FABP6: variants seen among roughly 807,000 people sequenced by gnomAD.
FABP6 encodes gastrotropin.
Under a neutral mutation model 14.9 loss-of-function variants are expected in FABP6, and 13 were observed. That is an observed-to-expected ratio of 0.87 (90% confidence interval 0.57 to 1.39). The LOEUF (loss-of-function observed/expected upper bound fraction) is 1.39. Among genes scored for constraint, FABP6 ranks in the 40% most tolerant of loss-of-function variants. The pLI, the probability that FABP6 is intolerant of heterozygous loss-of-function variation, is 0.00. For synonymous variants in FABP6, 75 were observed against 63.6 expected (o/e 1.18, Z -0.85); for missense variants, 161 against 167.2 (o/e 0.96, Z 0.20).
At chr5:160,216,977 C>G (rs113472008) in intron 3 of FABP6, among the ~76,000 whole-genome samples, 1,585 of 152,242 alleles carry the variant, frequency 0.01, 27 homozygotes, top group African/African-American at 0.036. Context: ...AGACATCCTC[C>G]TCCGCTTACC....
chr5:160,218,352 C>T (rs1245308873), intron 3 of FABP6, among the ~76,000 whole-genome samples: 1 of 152,038 alleles, frequency 6.6e-6, no homozygotes, highest in Non-Finnish European at 1.5e-5. Context: ...CAGTAAGTGA[C>T]AGAGCTGGGA....
intron 1 of FABP6, among the ~76,000 whole-genome samples, chr5:160,189,375 G>A (rs1045770245): frequency 5.9e-5 from 9 of 151,970 alleles, no homozygotes; most frequent in Non-Finnish European, 1.0e-4. Flanking sequence ...CCTAGTAGCT[G>A]GGATTACAGG....
chr5:160,230,997 C>A (rs1360845848), intron 1 of FABP6, among the ~76,000 whole-genome samples: 1 of 152,196 alleles, frequency 6.6e-6, no homozygotes, highest in African/African-American at 2.4e-5. Context: ...GTGGATCTGA[C>A]AATCTTGTGG....
chr5:160,226,074 T>G (rs893774009), upstream of FABP6, among the ~76,000 whole-genome samples: 2 of 151,864 alleles, frequency 1.3e-5, no homozygotes, highest in Non-Finnish European at 2.9e-5. Context: ...CTTGGGAGGC[T>G]GAGGCAGGAG....
rs1580923914 is a variant in FABP6 at position 160,232,175 on chromosome 5, A to G, written c.145A>G (p.Thr49Ala). The G allele has an allele frequency of 1.2e-6, 2 of 1,613,910 alleles. No individual in the cohort carries two copies. Among genetic ancestry groups the G allele is most frequent in the East Asian group, 4.5e-5 (2 of 44,878 alleles). The change falls in exon 2 of 4, where the codon ACT (threonine) becomes GCT (alanine). Residue 49 changes from threonine to alanine, a missense_variant. By Grantham distance (58) the Thr-to-Ala change is moderately conservative. Transcript: ENST00000402432. ...GGTGCAGCAGGATGGGCAGGACTTCACTTGGTCCCAGCACTACTCCGGGGG... is the reference window on the plus strand; with the variant it reads ...GGTGCAGCAGGATGGGCAGGACTTCGCTTGGTCCCAGCACTACTCCGGGGG... ...TEVQQDGQDF[T>A]WSQHYSGGHT...
chr5:160,221,996 G>A (rs1760137184), intron 3 of FABP6, among the ~76,000 whole-genome samples: 1 of 151,834 alleles, frequency 6.6e-6, no homozygotes, highest in Non-Finnish European at 1.5e-5. Flanking sequence ...TAAACAATGA[G>A]TATGCATTAA....
intron 1 of FABP6, among the ~76,000 whole-genome samples, chr5:160,191,633 A>G (rs1241279831): frequency 6.6e-6 from 1 of 151,646 alleles, no homozygotes; most frequent in Admixed American, 6.6e-5. Context: ...TTTAATTGAG[A>G]TGGGGTCTCA....
intron 1 of FABP6, among the ~76,000 whole-genome samples, chr5:160,189,059 A>G (rs1759346239): frequency 6.6e-6 from 1 of 152,076 alleles, no homozygotes; most frequent in Non-Finnish European, 1.5e-5. Context: ...ATAAAGGGTC[A>G]GAGAGTAAAT....
chr5:160,215,168 T>C (rs181563428), intron 3 of FABP6, among the ~76,000 whole-genome samples: 35 of 152,334 alleles, frequency 2.3e-4, no homozygotes, highest in African/African-American at 7.7e-4. Flanking sequence ...AAAAGGAGAA[T>C]GGCTGAGTAA....
At chr5:160,226,542 A>AC (rs1230732095), upstream of FABP6, among the ~76,000 whole-genome samples, 1 of 151,700 alleles carries the variant, frequency 6.6e-6, no homozygotes, top group African/African-American at 2.4e-5. Context: ...TCAAAAAAAA[A>AC]AAAAAAGTAA....
At chr5:160,213,775 C>G in exon 3 of FABP6, 12 of 1,613,692 alleles carry the variant, frequency 7.4e-6, no homozygotes, top group Non-Finnish European at 1.0e-5. Context: ...ATGGGTGAGC[C>G]GGAAAGGAGA....
intron 1 of FABP6, chr5:160,198,982 A>C: frequency 1.0e-6 from 1 of 972,130 alleles, no homozygotes; most frequent in South Asian, 1.3e-5. Flanking sequence ...TTGAATAGAC[A>C]AATGAATGAA....
intron 1 of FABP6, 38 bp downstream of exon 1, chr5:160,229,662 T>G (rs1760326881): frequency 6.2e-7 from 1 of 1,601,500 alleles, no homozygotes; most frequent in African/African-American, 1.3e-5. Context: ...TCGGGGTTGG[T>G]TTGTCACAGC....
chr5:160,235,934 G>A (rs1218421800), intron 3 of FABP6, among the ~76,000 whole-genome samples: 4 of 152,100 alleles, frequency 2.6e-5, no homozygotes, highest in South Asian at 2.1e-4. Flanking sequence ...ACAAGATCAG[G>A]GTGCCAGCAT....
At chr5:160,216,460 G>T (rs961720355) in intron 3 of FABP6, among the ~76,000 whole-genome samples, 3 of 151,846 alleles carry the variant, frequency 2.0e-5, no homozygotes, top group African/African-American at 4.8e-5. Context: ...TAGAGATGGG[G>T]TTTCACCATG....
At chr5:160,217,674 T>C (rs1168200545) in intron 3 of FABP6, among the ~76,000 whole-genome samples, 3 of 152,200 alleles carry the variant, frequency 2.0e-5, no homozygotes, top group African/African-American at 7.2e-5. Flanking sequence ...TCTCTCTCTG[T>C]TGCCCAAGCT....
chr5:160,220,724 T>C (rs954834448), intron 3 of FABP6, among the ~76,000 whole-genome samples: 1 of 152,162 alleles, frequency 6.6e-6, no homozygotes, highest in African/African-American at 2.4e-5. Flanking sequence ...AATATCCTTA[T>C]GTTACAGTCT....
At chr5:160,206,696 C>T (rs1759775512) in intron 2 of FABP6, among the ~76,000 whole-genome samples, 1 of 152,180 alleles carries the variant, frequency 6.6e-6, no homozygotes, top group Non-Finnish European at 1.5e-5. Context: ...TAAACAGCCA[C>T]AAAGTGCATA....
intron 3 of FABP6, among the ~76,000 whole-genome samples, chr5:160,217,246 TAGAGTGG>T (rs1760031513): frequency 6.6e-6 from 1 of 152,106 alleles, no homozygotes; most frequent in Admixed American, 6.6e-5. Context: ...GCATAAGGCA[TAGAGTGG>T]AGCTGTTAGG....
Sources: allele counts gnomAD v4.1 joint callset (sites outside exome capture counted in the v4.1 genomes callset), GRCh38; gene constraint gnomAD v4.1.1; transcripts MANE v1.5; gene names NCBI Gene and HGNC (gene_info 2026-07-23, HGNC 2026-07-21).